Variants in COLEC12 observed in about 807,000 individuals in gnomAD.
COLEC12 encodes the protein collectin-12.
In COLEC12, 33 loss-of-function variants were observed where a neutral mutation model predicts 71.1. That is an observed-to-expected ratio of 0.46 (90% CI 0.35 to 0.62). The LOEUF is 0.62. Ranked by LOEUF, COLEC12 falls within the 20% of genes least tolerant of loss-of-function variation. COLEC12 has a pLI of 0.00. For synonymous variants in COLEC12, 350 were observed against 353.0 expected (o/e 0.99, Z 0.10); for missense variants, 765 against 916.1 (o/e 0.84, Z 2.13).
intron 2 of COLEC12, among the ~76,000 whole-genome samples, chr18:397,360 A>ATT: frequency 6.6e-6 from 1 of 152,220 alleles, no homozygotes; most frequent in East Asian, 1.9e-4. Flanking sequence ...GACCTAATAA[A>ATT]TTATCTACAC....
intron 2 of COLEC12, among the ~76,000 whole-genome samples, chr18:452,465 G>A (rs1037115737): frequency 1.3e-5 from 2 of 152,222 alleles, no homozygotes; most frequent in African/African-American, 4.8e-5. Flanking sequence ...GATCGCTGTT[G>A]ATTCTTTTAA....
At position 392,263 on chromosome 18, in the gene COLEC12, T is replaced by C. The variant is rs1029781342; in HGVS notation, c.59-34741A>G. Among the ~76,000 whole-genome samples the C allele has an allele frequency of 2.0e-5, 3 of 152,188 alleles. No homozygotes were observed. In the East Asian group the frequency reaches 5.8e-4, roughly 29 times the overall value. ...TGGGCATGGCTATCATTACCTACAA[T>C]TCACTACTCTTCTGGATAACTCGCC... On this transcript the variant is annotated intron_variant, in intron 2 of 9. Transcript: ENST00000400256.
chr18:432,776 A>G (rs1916330124), intron 2 of COLEC12, among the ~76,000 whole-genome samples: 1 of 152,138 alleles, frequency 6.6e-6, no homozygotes, highest in Admixed American at 6.6e-5. Flanking sequence ...CCCCTTCACA[A>G]AATCTCACAA....
intron 1 of COLEC12, among the ~76,000 whole-genome samples, chr18:488,867 T>C (rs535745413): frequency 7.3e-6 from 1 of 136,828 alleles, no homozygotes; most frequent in South Asian, 2.3e-4. Context: ...AGCAAGACTC[T>C]GTTTCAAAAA....
chr18:389,658 A>G (rs1331144191), intron 2 of COLEC12, among the ~76,000 whole-genome samples: 1 of 152,122 alleles, frequency 6.6e-6, no homozygotes, highest in East Asian at 1.9e-4. Flanking sequence ...CTGTAACAAC[A>G]AGCCCCTTTT....
At chr18:409,585 A>G (rs1337781925) in intron 2 of COLEC12, among the ~76,000 whole-genome samples, 2 of 152,202 alleles carry the variant, frequency 1.3e-5, no homozygotes, top group Admixed American at 6.5e-5. Context: ...AGAAAGTACC[A>G]ATGAGTTGTT....
In COLEC12 at chr18:474,574, A is replaced by G. The variant is rs59787001; in HGVS notation, c.58+6133T>C. On this transcript the variant is annotated intron_variant, in intron 2 of 9. Transcript: ENST00000400256. ...GTGGTTATCATGTATGGTGATAAAG[A>G]TTATGAAATCTCCTCAGTTTATATA... is the stretch of plus-strand genomic sequence containing the variant. Among the ~76,000 whole-genome samples, 2,687 of 152,252 alleles carry G rather than the reference A, an allele frequency of 0.018. 129 individuals are homozygous for G. The East Asian group carries it at 0.2, about 11-fold the overall frequency.
chr18:459,132 C>T (rs895348014), intron 2 of COLEC12, among the ~76,000 whole-genome samples: 3 of 152,194 alleles, frequency 2.0e-5, no homozygotes, highest in African/African-American at 7.2e-5. Context: ...GGATTACATG[C>T]ATGAGCCACC....
At chr18:375,483 G>T (rs1915093620) in intron 2 of COLEC12, among the ~76,000 whole-genome samples, 1 of 152,062 alleles carries the variant, frequency 6.6e-6, no homozygotes, top group African/African-American at 2.4e-5. Context: ...TCCCTTTCTT[G>T]TTTATTTTAT....
chr18:335,239 T>TA lies in COLEC12; in HGVS notation c.1328-10dup. ...CCTGGGGCCCGGTGGACCTAAAGCA[T>TA]AAAAGAAAAAGGTGTCAACATGAAA... On this transcript the variant is annotated splice_polypyrimidine_tract_variant and intron_variant, in intron 5 of 9. Transcript: ENST00000400256. 1 of 1,566,402 alleles carries TA rather than the reference T, an allele frequency of 6.4e-7. No individual in the cohort carries two copies. The highest frequency in any genetic ancestry group is 1.4e-5 in the African/African-American group (1 of 69,690).
intron 2 of COLEC12, among the ~76,000 whole-genome samples, chr18:471,981 C>T (rs1365209501): frequency 1.3e-5 from 2 of 152,216 alleles, no homozygotes; most frequent in Non-Finnish European, 2.9e-5. Context: ...CCTGGACACA[C>T]TGTAGCCACC....
At chr18:452,203 G>C (rs1019397719) in intron 2 of COLEC12, among the ~76,000 whole-genome samples, 1 of 152,162 alleles carries the variant, frequency 6.6e-6, no homozygotes, top group Non-Finnish European at 1.5e-5. Context: ...AACTTGAATT[G>C]TGCACCTTGT....
intron 1 of COLEC12, among the ~76,000 whole-genome samples, chr18:499,740 G>A (rs1270136366): frequency 6.6e-6 from 1 of 152,230 alleles, no homozygotes; most frequent in South Asian, 2.1e-4. Flanking sequence ...CTAAACAGAA[G>A]GCTGCCCTGC....
At chr18:436,227 G>A (rs1044463460) in intron 2 of COLEC12, among the ~76,000 whole-genome samples, 4 of 152,180 alleles carry the variant, frequency 2.6e-5, no homozygotes, top group Non-Finnish European at 5.9e-5. Context: ...AGGGCAAAGC[G>A]GGGCCAGGCG....
At chr18:329,320 C>T (rs1243820564) in intron 8 of COLEC12, among the ~76,000 whole-genome samples, 2 of 152,220 alleles carry the variant, frequency 1.3e-5, no homozygotes, top group East Asian at 3.9e-4. Flanking sequence ...CTAACCCAGA[C>T]CTTTGTGCAT....
At chr18:321,493 T>A (rs1169449410) in intron 9 of COLEC12, among the ~76,000 whole-genome samples, 169 bp downstream of exon 9, 1 of 152,274 alleles carries the variant, frequency 6.6e-6, no homozygotes, top group Non-Finnish European at 1.5e-5. Context: ...GTGAAGAAGA[T>A]GCTATTACTA....
intron 2 of COLEC12, among the ~76,000 whole-genome samples, chr18:359,208 G>A (rs1914691699): frequency 6.6e-6 from 1 of 152,162 alleles, no homozygotes; most frequent in Non-Finnish European, 1.5e-5. Context: ...TTGAGAGCTG[G>A]TTGTGAAACT....
intron 2 of COLEC12, among the ~76,000 whole-genome samples, chr18:377,105 C>T (rs9958338): frequency 0.54 from 81,921 of 152,048 alleles, 22,804 homozygotes; most frequent in African/African-American, 0.65. Context: ...GAAGAGGGGA[C>T]GGAGGACCTG....
At chr18:417,794 A>G (rs1286034651) in intron 2 of COLEC12, among the ~76,000 whole-genome samples, 1 of 152,242 alleles carries the variant, frequency 6.6e-6, no homozygotes, top group Non-Finnish European at 1.5e-5. Flanking sequence ...AGAAATCGTA[A>G]CAGTATTAGT....
Sources: allele counts gnomAD v4.1 joint callset (sites outside exome capture counted in the v4.1 genomes callset), GRCh38; gene constraint gnomAD v4.1.1; transcripts MANE v1.5; gene names NCBI Gene and HGNC (gene_info 2026-07-23, HGNC 2026-07-21).